Variants in WWC2 observed in about 807,000 individuals in gnomAD.
WWC2 encodes protein WWC2.
WWC2 carries 101 observed loss-of-function variants against 138.5 expected under a neutral mutation model. The ratio of observed to expected loss-of-function variants is 0.73; its 90% CI spans 0.62 to 0.86. The LOEUF is 0.86. Ranked by LOEUF, WWC2 falls within the 40% of genes least tolerant of loss-of-function variation. The pLI is 0.00. For missense variants in WWC2, 1,420 were observed against 1,419.4 expected (o/e 1.00, Z -0.01); for synonymous variants, 558 against 538.4 (o/e 1.04, Z -0.50).
chr4:183,222,371 TATCTA>T (rs1735959154), intron 4 of WWC2, among the ~76,000 whole-genome samples: 1 of 151,984 alleles, frequency 6.6e-6, no homozygotes, highest in Non-Finnish European at 1.5e-5. Context: ...TCTTTTAACA[TATCTA>T]TGATAGCCAT....
In WWC2 at chr4:183,137,863, C is replaced by T. The variant is rs138623469; in HGVS notation, c.131+38241C>T. ...GACTGTACTTGACTTTTCGTTGTTA[C>T]TGTGTGATAACGCAGACTTGTTTCT... On this transcript the variant is annotated intron_variant, in intron 1 of 22. Transcript: ENST00000403733. Among the ~76,000 whole-genome samples the T allele has an allele frequency of 2.6e-5, 4 of 152,270 alleles. No individual in the cohort carries two copies. The East Asian group carries it at 7.7e-4, about 29-fold the overall frequency.
chr4:183,144,684 G>T (rs1733399853), intron 1 of WWC2, among the ~76,000 whole-genome samples: 3 of 152,046 alleles, frequency 2.0e-5, no homozygotes, highest in African/African-American at 7.3e-5. Flanking sequence ...ACTTATTCGC[G>T]ATGTCTTACT....
rs1737261810 is a variant in WWC2, at chr4:183,259,665, A to G, written c.1223A>G (p.Glu408Gly). 2 of 1,546,320 alleles carry G rather than the reference A, an allele frequency of 1.3e-6. No homozygotes were observed. ...ERLRLEERRK[E>G]LLQKLEETTK... ...TTGAGATTGGAAGAGAGAAGAAAAG[A>G]GCTGCTACAGAAACTTGAAGAAACT... The change falls in exon 10 of 23, where the codon GAG (glutamate) becomes GGG (glycine). Residue 408 changes from glutamate to glycine, a missense_variant. Physicochemically the swap from Glu to Gly is moderately conservative, Grantham distance 98. Transcript: ENST00000403733.
At chr4:183,249,228 T>C (rs140869879) in intron 7 of WWC2, among the ~76,000 whole-genome samples, 1 of 152,322 alleles carries the variant, frequency 6.6e-6, no homozygotes, top group African/African-American at 2.4e-5. Context: ...AAACATGCCT[T>C]TTAAGACTAA....
intron 5 of WWC2, among the ~76,000 whole-genome samples, chr4:183,244,175 G>T (rs1270599401): frequency 6.6e-6 from 1 of 152,132 alleles, no homozygotes; most frequent in African/African-American, 2.4e-5. Flanking sequence ...GTTGTTGGGT[G>T]GGGCAGAGGC....
rs1737175096 is a variant in WWC2 at position 183,257,070 on chromosome 4, A to G, written c.1197-2569A>G. On this transcript the variant is annotated intron_variant, in intron 9 of 22. Coordinates refer to ENST00000403733, the MANE Select transcript of WWC2 (RefSeq NM_024949.6). The stretch of plus-strand genomic sequence containing the variant: ...AAAACCATGCAGGGAAGGTGTTTCT[A>G]TGCATCTTTCGTATTCTTCCCATGC... Among the ~76,000 whole-genome samples the G allele has an allele frequency of 2.0e-5, 3 of 152,126 alleles. No homozygotes were observed. The South Asian group carries it at 6.2e-4, about 32-fold the overall frequency.
At chr4:183,128,170 C>T (rs370310258) in intron 1 of WWC2, among the ~76,000 whole-genome samples, 4 of 152,150 alleles carry the variant, frequency 2.6e-5, no homozygotes, top group East Asian at 3.9e-4. Flanking sequence ...GAAACCCCCT[C>T]TCTACTAAAA....
chr4:183,109,007 GT>G (rs879934988), intron 1 of WWC2, among the ~76,000 whole-genome samples: 1 of 151,918 alleles, frequency 6.6e-6, no homozygotes, highest in African/African-American at 2.4e-5. Context: ...TAATTTTGTG[GT>G]TTTTTTTCTA....
intron 5 of WWC2, among the ~76,000 whole-genome samples, 186 bp from the exon 6 acceptor site, chr4:183,245,224 CTAAAAA>C (rs1478035241): frequency 1.1e-5 from 1 of 93,504 alleles, no homozygotes; most frequent in African/African-American, 4.3e-5. Context: ...AAGACTCCAT[CTAAAAA>C]AAAAAAAAAA....
At position 183,315,829 on chromosome 4, in the gene WWC2, G is replaced by A; in HGVS notation, c.*100G>A. ...TTGTTTTGGTGTTTGGTTTTTTTTG[G>A]TAACGTAACTGTCAACTCTTGAAGA... is the stretch of plus-strand genomic sequence containing the variant. On this transcript the variant is annotated 3_prime_UTR_variant, in exon 23 of 23. Transcript: ENST00000403733. The A allele has an allele frequency of 1.1e-6, 1 of 876,780 alleles. No individual in the cohort carries two copies. 54.3% of individuals were successfully genotyped at this position (876,780 alleles called of 1,614,324 possible).
At chr4:183,186,549 G>A (rs1454509713) in intron 1 of WWC2, among the ~76,000 whole-genome samples, 1 of 151,998 alleles carries the variant, frequency 6.6e-6, no homozygotes, top group Non-Finnish European at 1.5e-5. Flanking sequence ...TTAGGGTAGG[G>A]GGCATTGAAT....
At position 183,124,536 on chromosome 4, in the gene WWC2, CTTTTTT is replaced by C. The variant is rs370409813; in HGVS notation, c.131+24925_131+24930del. Among the ~76,000 whole-genome samples the C allele has an allele frequency of 5.4e-4, 66 of 122,796 alleles. No individual in the cohort carries two copies. In the Middle Eastern group the frequency reaches 0.014, roughly 25 times the overall value. The allele number at this position is 122,796 out of a possible 152,430, so 80.6% of individuals were successfully genotyped here. ...TGCTTTTTCTTTTTTTCCTTTTTCT[CTTTTTT>C]TTTTTTTTTTGCTGGGATTACAGGC... is the stretch of plus-strand genomic sequence containing the variant. On this transcript the variant is annotated intron_variant, in intron 1 of 22. Coordinates refer to ENST00000403733, the MANE Select transcript of WWC2 (RefSeq NM_024949.6).
intron 1 of WWC2, among the ~76,000 whole-genome samples, chr4:183,103,938 C>T (rs1206365558): frequency 6.6e-6 from 1 of 151,718 alleles, no homozygotes; most frequent in Admixed American, 6.6e-5. Context: ...CCGGCCTGGC[C>T]TTGTCTTTCT....
intron 11 of WWC2, among the ~76,000 whole-genome samples, chr4:183,263,576 T>C (rs1737403062): frequency 6.6e-6 from 1 of 152,220 alleles, no homozygotes; most frequent in Admixed American, 6.5e-5. Context: ...TAATATTCAG[T>C]TGCATGTCTG....
At position 183,248,828 on chromosome 4, in the gene WWC2, G is replaced by C; in HGVS notation, c.847G>C (p.Asp283His). The change falls in exon 7 of 23, where the codon GAT (aspartate) becomes CAT (histidine). Residue 283 changes from aspartate (D) to histidine (H), a missense_variant. Transcript: ENST00000403733. ...SHLCLSRQTL[D>H]AGSQTSISGD... Reference sequence around the variant, plus strand: ...TTTATGTCTCTCCAGACAGACCCTTGATGCTGGGTCACAAACAAGCATTTC... The same window carrying C: ...TTTATGTCTCTCCAGACAGACCCTTCATGCTGGGTCACAAACAAGCATTTC... 6.2e-7 allele frequency: 1 copy of C among 1,601,708 alleles called. No homozygotes were observed. Among genetic ancestry groups the C allele is most frequent in the Non-Finnish European group, 8.5e-7 (1 of 1,173,158 alleles).
At chr4:183,111,778 C>T (rs931101932) in intron 1 of WWC2, among the ~76,000 whole-genome samples, 1 of 151,572 alleles carries the variant, frequency 6.6e-6, no homozygotes, top group Non-Finnish European at 1.5e-5. Context: ...GTTGCAGCCT[C>T]AATCTCCCTG....
intron 21 of WWC2, among the ~76,000 whole-genome samples, chr4:183,308,568 G>A (rs1214217666): frequency 6.6e-6 from 1 of 152,100 alleles, no homozygotes; most frequent in Non-Finnish European, 1.5e-5. Context: ...TAAATATACA[G>A]TCATCCTTCA....
At chr4:183,173,284 T>C (rs1734345440) in intron 1 of WWC2, among the ~76,000 whole-genome samples, 1 of 152,252 alleles carries the variant, frequency 6.6e-6, no homozygotes, top group East Asian at 1.9e-4. Context: ...ACTCTCAGGC[T>C]TAAGAGATCT....
At chr4:183,154,785 A>G (rs1579993713) in intron 1 of WWC2, among the ~76,000 whole-genome samples, 1 of 152,176 alleles carries the variant, frequency 6.6e-6, no homozygotes, top group East Asian at 1.9e-4. Flanking sequence ...AGGATAGTAG[A>G]TATGCCGTAT....
Sources: allele counts gnomAD v4.1 joint callset (sites outside exome capture counted in the v4.1 genomes callset), GRCh38; gene constraint gnomAD v4.1.1; transcripts MANE v1.5; gene names NCBI Gene and HGNC (gene_info 2026-07-23, HGNC 2026-07-21).